Variants in ZNF704 observed in about 807,000 individuals in gnomAD.
ZNF704 encodes zinc finger protein 704.
ZNF704 carries 10 observed loss-of-function variants against 44.7 expected under a neutral mutation model. The observed-to-expected ratio is 0.22, with a 90% CI of 0.14 to 0.38. The LOEUF (loss-of-function observed/expected upper bound fraction) is 0.38, where lower values mean the gene tolerates loss of function less well. ZNF704 is among the 10% of genes least tolerant of loss of function. ZNF704 has a pLI of 1.00. For synonymous variants in ZNF704, 211 were observed against 207.6 expected, an observed-to-expected ratio of 1.02 and a Z score of -0.14; for missense variants, 390 against 545.5, an observed-to-expected ratio of 0.71 and a Z score of 2.84.
chr8:80,850,604 T>A (rs192787321), intron 1 of ZNF704, among the ~76,000 whole-genome samples: 1 of 152,262 alleles, frequency 6.6e-6, no homozygotes, highest in East Asian at 1.9e-4. Context: ...ATTTTGCTTT[T>A]TGCCCAGAAT....
chr8:80,770,362 T>C (rs573245344), intron 2 of ZNF704, among the ~76,000 whole-genome samples: 2 of 152,194 alleles, frequency 1.3e-5, no homozygotes, highest in Non-Finnish European at 2.9e-5. Flanking sequence ...TAACCATTAA[T>C]TTGTTCTCTA....
intron 2 of ZNF704, among the ~76,000 whole-genome samples, chr8:80,730,486 C>G (rs1353848804): frequency 7.2e-6 from 1 of 139,460 alleles, no homozygotes; most frequent in Non-Finnish European, 1.5e-5. Context: ...TTGCAGTGAG[C>G]CGAGGTCGTG....
intron 2 of ZNF704, among the ~76,000 whole-genome samples, chr8:80,792,810 A>G (rs186433260): frequency 1.5e-4 from 23 of 152,266 alleles, no homozygotes; most frequent in African/African-American, 5.3e-4. Flanking sequence ...CAACAATCAT[A>G]TGTGCTCAGA....
chr8:80,654,370 C>G lies in ZNF704; in HGVS notation c.1032+5215G>C, dbSNP rs565053584. ...CTAATTAAACTAAAGAGCTTCTGCA[C>G]AGCAAAAGAAACTACCATCAGAGTG... On this transcript the variant is annotated intron_variant, in intron 7 of 8. Transcript: ENST00000327835. 2.9e-3 allele frequency among the ~76,000 whole-genome samples: 445 copies of G among 152,108 alleles called. 8 individuals carry two copies. The highest frequency in any genetic ancestry group is 0.026 in the Admixed American group (398 of 15,278).
chr8:80,654,532 A>T (rs1481777967), intron 7 of ZNF704, among the ~76,000 whole-genome samples: 1 of 152,254 alleles, frequency 6.6e-6, no homozygotes, highest in Non-Finnish European at 1.5e-5. Context: ...TGGGCGAAGG[A>T]TATGAACAGA....
chr8:80,756,414 T>C (rs1807037006), intron 2 of ZNF704, among the ~76,000 whole-genome samples: 1 of 152,210 alleles, frequency 6.6e-6, no homozygotes, highest in African/African-American at 2.4e-5. Flanking sequence ...TGAGGAGGTA[T>C]TGTTATCATT....
At chr8:80,659,802 T>C in intron 6 of ZNF704, 113 bp from the exon 7 acceptor site, 2 of 867,986 alleles carry the variant, frequency 2.3e-6, no homozygotes, top group South Asian at 3.5e-5. Context: ...ATTAATAACT[T>C]GGACTAATTA....
In ZNF704 at chr8:80,635,175, G is replaced by C. The variant is rs1197252875; in HGVS notation, c.*6191C>G. On this transcript the variant is annotated 3_prime_UTR_variant, in exon 9 of 9. Coordinates refer to ENST00000327835, the MANE Select transcript of ZNF704 (RefSeq NM_001033723.3). The stretch of plus-strand genomic sequence containing the variant: ...TACTAAAATCTTAGAAAGAAAAGGT[G>C]CTTTCTTGTTTTAACAGTGAGTGGG... The C allele has an allele frequency of 6.6e-6, 1 of 152,158 alleles. No individual in the cohort carries two copies. Among genetic ancestry groups the C allele is most frequent in the Non-Finnish European group, 1.5e-5 (1 of 68,040 alleles). 9.4% of individuals were successfully genotyped at this position (152,158 alleles called of 1,614,324 possible).
intron 1 of ZNF704, among the ~76,000 whole-genome samples, chr8:80,873,065 G>C (rs1271600219): frequency 2.0e-5 from 3 of 152,186 alleles, no homozygotes; most frequent in Non-Finnish European, 2.9e-5. Context: ...GTTGGAAGAA[G>C]GGGCTGAGAG....
intron 2 of ZNF704, among the ~76,000 whole-genome samples, chr8:80,793,737 CAA>C (rs1167754772): frequency 4.6e-5 from 7 of 151,766 alleles, no homozygotes. Context: ...AAGAAAATAA[CAA>C]AAAATCACCA....
At chr8:80,862,863 C>T (rs531125991) in intron 1 of ZNF704, among the ~76,000 whole-genome samples, 5 of 151,554 alleles carry the variant, frequency 3.3e-5, no homozygotes, top group Non-Finnish European at 5.9e-5. Context: ...CTCTTGAACA[C>T]CCACCAGCCA....
At chr8:80,830,954 C>T (rs994800469) in intron 1 of ZNF704, among the ~76,000 whole-genome samples, 2 of 151,812 alleles carry the variant, frequency 1.3e-5, no homozygotes, top group Admixed American at 6.6e-5. Context: ...CAAGGTTTCA[C>T]TGTGTTGGCC....
At chr8:80,646,685 G>A (rs1817840170) in intron 7 of ZNF704, among the ~76,000 whole-genome samples, 1 of 152,100 alleles carries the variant, frequency 6.6e-6, no homozygotes. Flanking sequence ...CTTCCTCCAA[G>A]AGCAGAATCC....
chr8:80,883,839 G>A, the ZNF704 span, among the ~76,000 whole-genome samples: 5 of 152,276 alleles, frequency 3.3e-5, no homozygotes, highest in South Asian at 2.1e-4. Context: ...TTCGAGGTTT[G>A]ATGACAGATG....
At chr8:80,667,962 A>C (rs1291082528) in intron 5 of ZNF704, among the ~76,000 whole-genome samples, 1 of 152,208 alleles carries the variant, frequency 6.6e-6, no homozygotes, top group Non-Finnish European at 1.5e-5. Context: ...CACTACGTAA[A>C]ATGCTTATTA....
At chr8:80,661,045 T>C (rs1361292290) in intron 6 of ZNF704, among the ~76,000 whole-genome samples, 1 of 152,196 alleles carries the variant, frequency 6.6e-6, no homozygotes, top group East Asian at 1.9e-4. Context: ...AAACTATTCA[T>C]CTGACAAGAG....
At chr8:80,850,528 T>A (rs1437222087) in intron 1 of ZNF704, among the ~76,000 whole-genome samples, 1 of 152,116 alleles carries the variant, frequency 6.6e-6, no homozygotes, top group Non-Finnish European at 1.5e-5. Context: ...CCAGCCATCA[T>A]CCCATCCTTT....
At chr8:80,783,947 T>A (rs1807573615) in intron 2 of ZNF704, among the ~76,000 whole-genome samples, 1 of 152,170 alleles carries the variant, frequency 6.6e-6, no homozygotes, top group Non-Finnish European at 1.5e-5. Context: ...ATTTTGTCCT[T>A]TCCAGAATGT....
At chr8:80,758,367 G>T (rs1396122420) in intron 2 of ZNF704, among the ~76,000 whole-genome samples, 1 of 152,074 alleles carries the variant, frequency 6.6e-6, no homozygotes, top group African/African-American at 2.4e-5. Flanking sequence ...TCCACAAAAA[G>T]GCCTTTGTCA....
Sources: allele counts gnomAD v4.1 joint callset (sites outside exome capture counted in the v4.1 genomes callset), GRCh38; gene constraint gnomAD v4.1.1; transcripts MANE v1.5; gene names NCBI Gene and HGNC (gene_info 2026-07-23, HGNC 2026-07-21).